The following RTN4IP1 variants were observed in gnomAD, a reference collection of about 807,000 sequenced individuals.
The protein encoded by RTN4IP1 is reticulon 4 interacting protein 1, also known as NAD(P)H oxidoreductase RTN4IP1, mitochondrial.
Under a neutral mutation model 46.6 loss-of-function variants are expected in RTN4IP1, and 32 were observed. That is an observed-to-expected ratio of 0.69 (90% CI 0.52 to 0.92). The LOEUF (loss-of-function observed/expected upper bound fraction) is 0.92. Ranked by LOEUF, RTN4IP1 falls within the 40% of genes least tolerant of loss-of-function variation. RTN4IP1 has a pLI of 0.00. For missense variants in RTN4IP1, 424 were observed against 485.8 expected, an observed-to-expected ratio of 0.87 and a Z score of 1.20; for synonymous variants, 167 against 161.8, an observed-to-expected ratio of 1.03 and a Z score of -0.24.
At chr6:106,600,856 CT>C (rs1320869385) in intron 5 of RTN4IP1, among the ~76,000 whole-genome samples, 3 of 151,976 alleles carry the variant, frequency 2.0e-5, no homozygotes, top group Non-Finnish European at 4.4e-5. Flanking sequence ...GTTATTTCCA[CT>C]TTTTTTCACT....
chr6:106,589,278 G>A lies in RTN4IP1; in HGVS notation c.807-1416C>T, dbSNP rs12211011. Among the ~76,000 whole-genome samples the A allele has an allele frequency of 1.8e-3, 47 of 26,076 alleles. 2 individuals are homozygous for A. Among genetic ancestry groups the A allele is most frequent in the South Asian group, 0.011 (4 of 368 alleles). 17.1% of individuals were successfully genotyped at this position (26,076 alleles called of 152,430 possible). On this transcript the variant is annotated intron_variant, in intron 6 of 8. Coordinates refer to ENST00000369063, the MANE Select transcript of RTN4IP1 (RefSeq NM_032730.5). ...GGAGGAGGAGAAGGAGAAGAAGAAG[G>A]AGAAGAAGAAAGAGAAGAAGAAGAG...
intron 8 of RTN4IP1, among the ~76,000 whole-genome samples, chr6:106,577,589 T>A (rs1385759781): frequency 6.6e-6 from 1 of 151,370 alleles, no homozygotes; most frequent in Non-Finnish European, 1.5e-5. Flanking sequence ...GTAGGCAGAA[T>A]AATGGCCCCC....
rs190149906 is a variant in RTN4IP1 at position 106,574,333 on chromosome 6, C to T, written c.1084-2230G>A. On this transcript the variant is annotated intron_variant, in intron 8 of 8. Coordinates refer to ENST00000369063, the MANE Select transcript of RTN4IP1 (RefSeq NM_032730.5). ...TGGTGTGTGTCTGTAATCCCAGCTA[C>T]TCGGGAGGCTGAGGCATGAGAATTA... is the stretch of plus-strand genomic sequence containing the variant. Among the ~76,000 whole-genome samples, 22 of 152,064 alleles carry T rather than the reference C, an allele frequency of 1.4e-4. No homozygotes were observed. The East Asian group carries it at 3.9e-3, about 27-fold the overall frequency.
intron 5 of RTN4IP1, among the ~76,000 whole-genome samples, chr6:106,594,141 A>T (rs770265375): frequency 5.3e-5 from 8 of 152,220 alleles, no homozygotes; most frequent in Non-Finnish European, 1.2e-4. Flanking sequence ...ATTATCTTTG[A>T]ACATTATGAA....
upstream of RTN4IP1, among the ~76,000 whole-genome samples, chr6:106,629,964 G>C (rs1776782619): frequency 6.6e-6 from 1 of 151,260 alleles, no homozygotes; most frequent in Non-Finnish European, 1.5e-5. Context: ...CATTTGCTCT[G>C]GTGTAGGTCG....
chr6:106,598,653 T>C (rs2114650447), intron 5 of RTN4IP1, among the ~76,000 whole-genome samples: 1 of 152,184 alleles, frequency 6.6e-6, no homozygotes, highest in Non-Finnish European at 1.5e-5. Flanking sequence ...GGCTGCCTGT[T>C]CACTCTGATG....
chr6:106,597,138 G>A (rs1252857218), intron 5 of RTN4IP1, among the ~76,000 whole-genome samples: 1 of 152,048 alleles, frequency 6.6e-6, no homozygotes, highest in Non-Finnish European at 1.5e-5. Context: ...TGCTCAGTCT[G>A]GGTCCATGTC....
At chr6:106,629,647 C>A (rs1030688397), upstream of RTN4IP1, 3 of 1,593,282 alleles carry the variant, frequency 1.9e-6, no homozygotes, top group African/African-American at 4.0e-5. Flanking sequence ...TCCCCCTTGC[C>A]TGGCTCCTGT....
At position 106,582,313 on chromosome 6, in the gene RTN4IP1, G is replaced by C. The variant is rs972034953; in HGVS notation, c.1083+1015C>G. On this transcript the variant is annotated intron_variant, in intron 8 of 8. Transcript: ENST00000369063. ...CCAGGGGCTCTGTCCAAGTGTCTCA[G>C]AGTGGTTCACACAATGCTAATGCTA... Among the ~76,000 whole-genome samples, 6 of 152,322 alleles carry C rather than the reference G, an allele frequency of 3.9e-5. No individual in the cohort carries two copies. The South Asian group carries it at 1.0e-3, about 26-fold the overall frequency.
At position 106,628,914 on chromosome 6, in the gene RTN4IP1, G is replaced by A. The variant is rs768561517; in HGVS notation, c.108C>T (p.Thr36=). ...QKPSVRRIST[T]SPRSTVMPAW... ...CAGGCATGACAGTGCTCCTAGGAGA[G>A]GTAGTACTAATCCTTCTAACTGAAG... The change falls in exon 1 of 9, where the codon ACC becomes ACT. Residue 36 remains threonine (T), a synonymous_variant. Coordinates refer to ENST00000369063, the MANE Select transcript of RTN4IP1 (RefSeq NM_032730.5). 4 of 1,613,880 alleles carry A rather than the reference G, an allele frequency of 2.5e-6. No individual in the cohort carries two copies. The highest frequency in any genetic ancestry group is 3.4e-6 in the Non-Finnish European group (4 of 1,179,796).
At chr6:106,593,493 A>G (rs11752883) in intron 5 of RTN4IP1, among the ~76,000 whole-genome samples, 35 of 152,304 alleles carry the variant, frequency 2.3e-4, no homozygotes, top group African/African-American at 8.4e-4. Flanking sequence ...TATAGATCAT[A>G]AGAGATCACT....
intron 4 of RTN4IP1, among the ~76,000 whole-genome samples, chr6:106,610,731 T>G (rs934856651): frequency 5.9e-5 from 9 of 152,054 alleles, no homozygotes; most frequent in Admixed American, 1.3e-4. Flanking sequence ...CTATTACTTC[T>G]TAAGTACACA....
intron 3 of RTN4IP1, among the ~76,000 whole-genome samples, 187 bp from the exon 4 acceptor site, chr6:106,619,513 T>C (rs1175676413): frequency 4.6e-5 from 7 of 152,162 alleles, no homozygotes; most frequent in Middle Eastern, 3.4e-3. Context: ...ACCCTTCTTC[T>C]TCCTACTCCT....
Position 106,629,262 on chromosome 6 carries a change from A to T in RTN4IP1, c.-241T>A. The T allele has an allele frequency of 1.8e-6, 1 of 563,616 alleles. No individual in the cohort carries two copies. The highest frequency in any genetic ancestry group is 2.4e-5 in the South Asian group (1 of 42,108). 34.9% of individuals were successfully genotyped at this position (563,616 alleles called of 1,614,324 possible). On this transcript the variant is annotated 5_prime_UTR_variant, in exon 1 of 9. It removes an upstream start codon present in the reference 5' UTR. Transcript: ENST00000369063. ...TAACGTTCCAGTCAGTATTCTGTCC[A>T]TTCTCCTCCCTCACTTTCACCCCCT...
chr6:106,621,530 A>G (rs370682716), intron 2 of RTN4IP1, 37 bp from the exon 3 acceptor site: 226 of 1,587,382 alleles, frequency 1.4e-4, no homozygotes, highest in Non-Finnish European at 1.8e-4. Flanking sequence ...CATTAGAAAC[A>G]CAGATATTTT....
intron 8 of RTN4IP1, among the ~76,000 whole-genome samples, chr6:106,573,428 A>T (rs1449683261): frequency 6.6e-6 from 1 of 152,246 alleles, no homozygotes; most frequent in Non-Finnish European, 1.5e-5. Context: ...AGCCACCAGA[A>T]GAGCATCTTA....
chr6:106,580,250 G>C (rs1775331230), intron 8 of RTN4IP1, among the ~76,000 whole-genome samples: 1 of 148,640 alleles, frequency 6.7e-6, no homozygotes, highest in Non-Finnish European at 1.5e-5. Flanking sequence ...TAAATCACAA[G>C]TGACCAGTAA....
At chr6:106,587,115 A>T (rs151288628) in intron 7 of RTN4IP1, among the ~76,000 whole-genome samples, 17 of 152,334 alleles carry the variant, frequency 1.1e-4, no homozygotes, top group Admixed American at 2.0e-4. Flanking sequence ...GTAAAAGTAC[A>T]ACTTGTTTTA....
chr6:106,577,633 G>A (rs2114620879), intron 8 of RTN4IP1, among the ~76,000 whole-genome samples: 1 of 152,174 alleles, frequency 6.6e-6, no homozygotes, highest in African/African-American at 2.4e-5. Context: ...CAAAATGTGT[G>A]AATATGGCAC....
Sources: gnomAD v4.1 joint callset for allele counts (sites outside exome capture counted in the v4.1 genomes callset) on GRCh38, gnomAD v4.1.1 for gene constraint, MANE v1.5 for transcripts, NCBI Gene and HGNC (gene_info 2026-07-23, HGNC 2026-07-21) for gene names.